ADAM9: variants seen among roughly 807,000 people sequenced by gnomAD.
The protein encoded by ADAM9 is ADAM metallopeptidase domain 9, also known as disintegrin and metalloproteinase domain-containing protein 9.
In ADAM9, 54 loss-of-function variants were observed where a neutral mutation model predicts 108.1. The ratio of observed to expected loss-of-function variants is 0.50; its 90% CI spans 0.40 to 0.63. ADAM9 has a LOEUF of 0.63. Ranked by LOEUF, ADAM9 falls within the 20% of genes least tolerant of loss-of-function variation. ADAM9 has a pLI of 0.00. For missense variants in ADAM9, 830 were observed against 997.7 expected (o/e 0.83, Z 2.26); for synonymous variants, 316 against 336.0 (o/e 0.94, Z 0.65).
At chr8:39,000,297 TCA>T (rs1374067544) in intron 1 of ADAM9, among the ~76,000 whole-genome samples, 4 of 152,176 alleles carry the variant, frequency 2.6e-5, no homozygotes, top group Admixed American at 1.3e-4. Flanking sequence ...CCAGCCTCTC[TCA>T]CAGTCTTTGA....
At chr8:39,002,312 CTT>C (rs35517175) in intron 1 of ADAM9, among the ~76,000 whole-genome samples, 398 of 71,428 alleles carry the variant, frequency 5.6e-3, no homozygotes, top group African/African-American at 0.021. Flanking sequence ...AGGTAGAATT[CTT>C]TTTTTTTTTT....
intron 14 of ADAM9, among the ~76,000 whole-genome samples, chr8:39,061,736 A>G (rs975596916): frequency 1.3e-5 from 2 of 152,124 alleles, no homozygotes; most frequent in African/African-American, 4.8e-5. Flanking sequence ...AGTGGGGCCA[A>G]ACGCACCCTT....
chr8:39,029,196 G>T (rs1284498239), intron 11 of ADAM9, among the ~76,000 whole-genome samples: 3 of 151,108 alleles, frequency 2.0e-5, no homozygotes, highest in East Asian at 2.0e-4. Flanking sequence ...AGATAGAAAG[G>T]GAGTGAACTG....
intron 15 of ADAM9, among the ~76,000 whole-genome samples, chr8:39,076,866 A>T (rs994977934): frequency 6.6e-6 from 1 of 152,214 alleles, no homozygotes; most frequent in Non-Finnish European, 1.5e-5. Flanking sequence ...GACATAATTG[A>T]ATTTTGATAT....
intron 16 of ADAM9, 124 bp downstream of exon 16, chr8:39,077,535 A>G: frequency 2.0e-6 from 2 of 977,300 alleles, no homozygotes; most frequent in Non-Finnish European, 2.9e-6. Context: ...AAATTTTAGA[A>G]AATACAAAGC....
At chr8:39,100,408 G>A (rs969059477) in intron 20 of ADAM9, among the ~76,000 whole-genome samples, 1 of 151,586 alleles carries the variant, frequency 6.6e-6, no homozygotes, top group African/African-American at 2.4e-5. Flanking sequence ...CAGGAGAATG[G>A]TGTGAACCTG....
chr8:39,099,020 TG>T (rs1299562334), intron 20 of ADAM9, among the ~76,000 whole-genome samples: 1 of 152,156 alleles, frequency 6.6e-6, no homozygotes, highest in African/African-American at 2.4e-5. Context: ...CTTATGAGGA[TG>T]GGTGTGTGGT....
intron 15 of ADAM9, among the ~76,000 whole-genome samples, chr8:39,071,896 A>G (rs1838708902): frequency 6.6e-6 from 1 of 152,134 alleles, no homozygotes; most frequent in South Asian, 2.1e-4. Flanking sequence ...TGGTAACATA[A>G]TTTGTCCCTT....
chr8:39,021,861 G>C, intron 8 of ADAM9, 147 bp downstream of exon 8: 1 of 741,098 alleles, frequency 1.3e-6, no homozygotes, highest in South Asian at 1.5e-5. Context: ...GGTTTGTTTT[G>C]TAACTCTTTT....
intron 1 of ADAM9, among the ~76,000 whole-genome samples, chr8:39,007,632 A>G (rs1353332691): frequency 1.3e-5 from 2 of 152,232 alleles, no homozygotes; most frequent in East Asian, 3.8e-4. Context: ...ATTGCTATGT[A>G]TATTTATAAT....
chr8:39,003,764 A>T (rs965027157), intron 1 of ADAM9, among the ~76,000 whole-genome samples: 27 of 152,338 alleles, frequency 1.8e-4, no homozygotes, highest in African/African-American at 5.5e-4. Flanking sequence ...AACAGCCCTT[A>T]CACACAGAAA....
chr8:39,063,948 G>A (rs568386507), intron 14 of ADAM9, among the ~76,000 whole-genome samples: 29 of 152,122 alleles, frequency 1.9e-4, no homozygotes, highest in African/African-American at 6.0e-4. Flanking sequence ...TGCAACTACC[G>A]GCGATATGGC....
chr8:39,041,852 A>C lies in ADAM9; in HGVS notation c.1131-94A>C. 7 of 1,153,226 alleles carry C rather than the reference A, an allele frequency of 6.1e-6. No individual in the cohort carries two copies. In the East Asian group the frequency reaches 1.4e-4, roughly 23 times the overall value. The allele number at this position is 1,153,226 out of a possible 1,614,324, so 71.4% of individuals were successfully genotyped here. A position where few individuals can be genotyped will look rare whatever the true frequency, so the allele number is the denominator to read the frequency against. On this transcript the variant is annotated intron_variant, in intron 11 of 21. Transcript: ENST00000487273. ...TTATTAGCTTCTTTTCTGTCATTTAAAATATTCACATTTTGTGGGTTAAAG... is the reference window on the plus strand; with the variant it reads ...TTATTAGCTTCTTTTCTGTCATTTACAATATTCACATTTTGTGGGTTAAAG...
chr8:39,025,103 A>G (rs966600769), intron 9 of ADAM9, among the ~76,000 whole-genome samples: 11 of 147,694 alleles, frequency 7.4e-5, no homozygotes, highest in Admixed American at 1.3e-4. Flanking sequence ...TTTTTTTTTT[A>G]TTTTGGAGAC....
chr8:39,038,988 G>A (rs1837370934), intron 11 of ADAM9, among the ~76,000 whole-genome samples: 1 of 151,904 alleles, frequency 6.6e-6, no homozygotes, highest in African/African-American at 2.4e-5. Flanking sequence ...GCAGTTAACA[G>A]TACCAAAATG....
At chr8:39,101,536 T>C (rs950757838) in intron 20 of ADAM9, among the ~76,000 whole-genome samples, 3 of 152,236 alleles carry the variant, frequency 2.0e-5, no homozygotes, top group Non-Finnish European at 4.4e-5. Context: ...TGGTTCAGCA[T>C]ACACAGACAT....
rs187829748 is a variant in ADAM9, at chr8:38,999,868, C to T, written c.97+2708C>T. Reference sequence around the variant, plus strand: ...CTGGAAGCTTTTTCTTGGGAATATCCGCAAGCTCAAACATATGACATAGCC... The same window carrying T: ...CTGGAAGCTTTTTCTTGGGAATATCTGCAAGCTCAAACATATGACATAGCC... On this transcript the variant is annotated intron_variant, in intron 1 of 21. Transcript: ENST00000487273. Among the ~76,000 whole-genome samples the T allele has an allele frequency of 1.6e-4, 24 of 152,262 alleles. No individual in the cohort carries two copies. In the East Asian group the frequency reaches 3.5e-3, roughly 22 times the overall value.
intron 11 of ADAM9, among the ~76,000 whole-genome samples, chr8:39,037,606 C>T (rs1293815071): frequency 6.6e-6 from 1 of 151,550 alleles, no homozygotes; most frequent in African/African-American, 2.4e-5. Context: ...TTTGTAGAGA[C>T]AGGGTCTCAT....
chr8:39,081,528 A>G (rs1839024708), intron 16 of ADAM9, among the ~76,000 whole-genome samples: 1 of 152,206 alleles, frequency 6.6e-6, no homozygotes. Context: ...GTATTTTGAA[A>G]TCTTTATTCA....
Sources: gnomAD v4.1 joint callset for allele counts (sites outside exome capture counted in the v4.1 genomes callset) on GRCh38, gnomAD v4.1.1 for gene constraint, MANE v1.5 for transcripts, NCBI Gene and HGNC (gene_info 2026-07-23, HGNC 2026-07-21) for gene names.